ASXL3: variants seen among roughly 807,000 people sequenced by gnomAD.
The protein encoded by ASXL3 is ASXL transcriptional regulator 3, also known as putative Polycomb group protein ASXL3.
Under a neutral mutation model 170.6 loss-of-function variants are expected in ASXL3, and 34 were observed. That is an observed-to-expected ratio of 0.20 (90% confidence interval 0.15 to 0.27). The LOEUF (loss-of-function observed/expected upper bound fraction) is 0.27. Ranked by LOEUF, ASXL3 falls within the 10% of genes least tolerant of loss-of-function variation. The pLI is 1.00. For missense variants in ASXL3, 2,592 were observed against 2,695.3 expected (o/e 0.96, Z 0.85); for synonymous variants, 1,002 against 989.1 (o/e 1.01, Z -0.24).
In ASXL3 at chr18:33,740,206, A is replaced by G. The variant is rs1228666138; in HGVS notation, c.2802A>G (p.Leu934=). The G allele has an allele frequency of 6.2e-7, 1 of 1,613,916 alleles. No homozygotes were observed. The highest frequency in any genetic ancestry group is 2.2e-5 in the East Asian group (1 of 44,884). Reference sequence around the variant, plus strand: ...AGCAAGGGAGTACACAGAGTCGGTTAGAAACCTCACATACTTCCAAGTCAT... The same window carrying G: ...AGCAAGGGAGTACACAGAGTCGGTTGGAAACCTCACATACTTCCAAGTCAT... The part of the protein sequence containing the change: ...THKQGSTQSR[L]ETSHTSKSSE... The change falls in exon 11 of 12, where the codon TTA becomes TTG. Residue 934 remains leucine, a synonymous_variant. Transcript: ENST00000269197.
At position 33,734,473 on chromosome 18, in the gene ASXL3, C is replaced by G. The variant is rs186847563; in HGVS notation, c.1082+58C>G. Reference sequence around the variant, plus strand: ...GAGAAAGAAATGAAAATGTAATTCTCTGCTTCACATAGCACACTCATATGC... The same window carrying G: ...GAGAAAGAAATGAAAATGTAATTCTGTGCTTCACATAGCACACTCATATGC... On this transcript the variant is annotated intron_variant, in intron 10 of 11. Coordinates refer to ENST00000269197, the MANE Select transcript of ASXL3 (RefSeq NM_030632.3). 1.2e-4 allele frequency: 136 copies of G among 1,159,492 alleles called. No homozygotes were observed. The East Asian group carries it at 1.7e-3, about 14-fold the overall frequency. The allele number at this position is 1,159,492 out of a possible 1,614,324, so 71.8% of individuals were successfully genotyped here. A position where few individuals can be genotyped will look rare whatever the true frequency, so the allele number is the denominator to read the frequency against.
intron 8 of ASXL3, among the ~76,000 whole-genome samples, chr18:33,723,300 T>A (rs2067293156): frequency 6.6e-6 from 1 of 152,120 alleles, no homozygotes; most frequent in African/African-American, 2.4e-5. Flanking sequence ...TTGGAAAGAA[T>A]TCACCATTCT....
chr18:33,590,439 A>G (rs2065068609), intron 1 of ASXL3, among the ~76,000 whole-genome samples: 1 of 152,174 alleles, frequency 6.6e-6, no homozygotes, highest in Non-Finnish European at 1.5e-5. Context: ...GGAAAATTAC[A>G]AAAAAGCACC....
chr18:33,638,075 A>G (rs1599428453), intron 2 of ASXL3, among the ~76,000 whole-genome samples: 2 of 151,918 alleles, frequency 1.3e-5, no homozygotes, highest in Non-Finnish European at 2.9e-5. Flanking sequence ...ATAAAGAGGC[A>G]TCTCAATTAT....
chr18:33,677,409 TTTAA>T (rs1204834376), intron 7 of ASXL3, among the ~76,000 whole-genome samples: 4 of 152,110 alleles, frequency 2.6e-5, no homozygotes, highest in South Asian at 4.1e-4. Flanking sequence ...AAGTACAAAA[TTTAA>T]TTAATTTTAG....
At chr18:33,697,831 C>T (rs1401646312) in intron 8 of ASXL3, among the ~76,000 whole-genome samples, 2 of 109,712 alleles carry the variant, frequency 1.8e-5, no homozygotes, top group African/African-American at 6.9e-5. Context: ...TAATGAGACT[C>T]TGTCTCTCAA....
At position 33,670,782 on chromosome 18, in the gene ASXL3, C is replaced by A; in HGVS notation, c.587C>A (p.Ser196Ter). The A allele has an allele frequency of 6.5e-7, 1 of 1,541,534 alleles. No individual in the cohort carries two copies. Among genetic ancestry groups the A allele is most frequent in the Non-Finnish European group, 8.8e-7 (1 of 1,141,562 alleles). ...AAGGTGTCTGATGAGCAGTCGGATT[C>A]GCCTTCAGGTAAAGAGCTGAAATAT... is the stretch of plus-strand genomic sequence containing the variant. ...PLKVSDEQSD[S>*]PSGSESKNGE... The change falls in exon 6 of 12, where the codon TCG (serine) becomes TAG (stop). Residue 196 changes from serine to a stop codon, truncating the protein, a stop_gained. Transcript: ENST00000269197. LOFTEE classifies it high-confidence loss of function.
In ASXL3 at chr18:33,591,702, C is replaced by T. The variant is rs537493725; in HGVS notation, c.54+13017C>T. On this transcript the variant is annotated intron_variant, in intron 1 of 11. Coordinates refer to ENST00000269197, the MANE Select transcript of ASXL3 (RefSeq NM_030632.3). Reference sequence around the variant, plus strand: ...TGTCGCCCAGGCTGGAGTGCAGTGGCGCGATCTCGGCTCACTGCAAGCTCT... The same window carrying T: ...TGTCGCCCAGGCTGGAGTGCAGTGGTGCGATCTCGGCTCACTGCAAGCTCT... Among the ~76,000 whole-genome samples the T allele has an allele frequency of 2.0e-3, 299 of 150,830 alleles. 2 individuals are homozygous for T. Among genetic ancestry groups the T allele is most frequent in the African/African-American group, 6.7e-3 (275 of 41,002 alleles).
chr18:33,663,434 G>C (rs530339905), intron 5 of ASXL3, among the ~76,000 whole-genome samples: 1 of 152,042 alleles, frequency 6.6e-6, no homozygotes, highest in South Asian at 2.1e-4. Context: ...CATCATTTTG[G>C]TTTTGTATTA....
rs1280498788 is a variant in ASXL3, at chr18:33,745,797, G to A, written c.5949G>A (p.Gln1983=). 1 of 1,613,860 alleles carries A rather than the reference G, an allele frequency of 6.2e-7. No homozygotes were observed. Among genetic ancestry groups the A allele is most frequent in the Non-Finnish European group, 8.5e-7 (1 of 1,179,908 alleles). ...TTAGTCTTTCCTCAGCACCTCACCA[G>A]CTAAGGTTAGCCAACATGTTATCCC... is the stretch of plus-strand genomic sequence containing the variant. The part of the protein sequence containing the change: ...GEVSLSSAPH[Q]LRLANMLSPN... The change falls in exon 12 of 12, where the codon CAG becomes CAA. Residue 1983 remains glutamine (Q), a synonymous_variant. Coordinates refer to ENST00000269197, the MANE Select transcript of ASXL3 (RefSeq NM_030632.3).
At chr18:33,597,793 C>CA (rs34304405) in intron 1 of ASXL3, among the ~76,000 whole-genome samples, 3,572 of 132,494 alleles carry the variant, frequency 0.027, 62 homozygotes, top group East Asian at 0.096. Flanking sequence ...CTCTCATCTA[C>CA]AAAAAAAAAA....
At chr18:33,710,104 A>AAAT (rs1481889374) in intron 8 of ASXL3, among the ~76,000 whole-genome samples, 5 of 152,228 alleles carry the variant, frequency 3.3e-5, no homozygotes, top group Non-Finnish European at 5.9e-5. Flanking sequence ...AACAATACAA[A>AAAT]AATTAGTCAG....
intron 7 of ASXL3, among the ~76,000 whole-genome samples, chr18:33,677,621 A>G (rs2066449002): frequency 6.6e-6 from 1 of 152,168 alleles, no homozygotes; most frequent in African/African-American, 2.4e-5. Flanking sequence ...AGACCTTCCT[A>G]CCTGCATGTT....
At chr18:33,671,921 A>G (rs2145256899) in intron 7 of ASXL3, 55 bp downstream of exon 7, 1 of 1,421,848 alleles carries the variant, frequency 7.0e-7, no homozygotes, top group Non-Finnish European at 9.3e-7. Flanking sequence ...TGTTTTCTCA[A>G]ATAAATTATC....
intron 8 of ASXL3, among the ~76,000 whole-genome samples, chr18:33,710,726 G>A (rs866339260): frequency 4.0e-5 from 6 of 151,830 alleles, no homozygotes; most frequent in Middle Eastern, 3.4e-3. Context: ...AAGGTTAACC[G>A]TTTTCACTTT....
At chr18:33,621,844 C>T (rs1478127674) in intron 2 of ASXL3, among the ~76,000 whole-genome samples, 2 of 152,176 alleles carry the variant, frequency 1.3e-5, no homozygotes, top group South Asian at 2.1e-4. Context: ...GTTTGTCCAA[C>T]AGCTATTCTC....
chr18:33,585,641 C>T (rs888331284), intron 1 of ASXL3, among the ~76,000 whole-genome samples: 18 of 152,220 alleles, frequency 1.2e-4, no homozygotes, highest in African/African-American at 4.3e-4. Context: ...CAAATTTATG[C>T]CCTGGGGTTA....
intron 4 of ASXL3, among the ~76,000 whole-genome samples, chr18:33,657,993 A>G (rs897817530): frequency 2.4e-4 from 36 of 152,272 alleles, no homozygotes; most frequent in African/African-American, 8.4e-4. Context: ...AGGTCCTGGC[A>G]TTAGTTTTGT....
In ASXL3 at chr18:33,744,723, G is replaced by T; in HGVS notation, c.4875G>T (p.Ser1625=). The T allele has an allele frequency of 6.2e-7, 1 of 1,613,240 alleles. No homozygotes were observed. Among genetic ancestry groups the T allele is most frequent in the African/African-American group, 1.3e-5 (1 of 74,984 alleles). ...CAGGACAGCCTCTGGTTACTCACTC[G>T]GGTTCAAGTAAACAAAAAGAATATC... ...RSTGQPLVTH[S]GSSKQKEYLE... Residue 1625 remains serine, a synonymous_variant, in exon 12 of 12, where the codon TCG becomes TCT. Transcript: ENST00000269197.
Sources: allele counts gnomAD v4.1 joint callset (sites outside exome capture counted in the v4.1 genomes callset), GRCh38; gene constraint gnomAD v4.1.1; transcripts MANE v1.5; gene names NCBI Gene and HGNC (gene_info 2026-07-23, HGNC 2026-07-21).